VPS13D: variants seen among roughly 807,000 people sequenced by gnomAD.
VPS13D encodes the protein vacuolar protein sorting 13 homolog D, also known as intermembrane lipid transfer protein VPS13D.
VPS13D carries 187 observed loss-of-function variants against 461.9 expected under a neutral mutation model. The observed-to-expected ratio is 0.40, with a 90% confidence interval of 0.36 to 0.46. VPS13D has a LOEUF of 0.46. Among genes scored for constraint, VPS13D ranks in the 20% least tolerant of loss-of-function variants. VPS13D has a pLI of 0.60. For missense variants in VPS13D, 4,711 were observed against 5,364.9 expected, an observed-to-expected ratio of 0.88 and a Z score of 3.81; for synonymous variants, 1,951 against 1,986.3, an observed-to-expected ratio of 0.98 and a Z score of 0.47.
rs371164011 is a variant in VPS13D, at chr1:12,282,103, G to A, written c.4603-602G>A. 2.5e-4 allele frequency among the ~76,000 whole-genome samples: 38 copies of A among 152,186 alleles called. 2 individuals are homozygous for A. The highest frequency in any genetic ancestry group is 2.0e-3 in the Admixed American group (30 of 15,276). On this transcript the variant is annotated intron_variant, in intron 20 of 69. Coordinates refer to ENST00000620676, the MANE Select transcript of VPS13D (RefSeq NM_015378.4). ...GAGTTTCACCATGTAGCCCAAGCTGGTCTTGAACTCCTGGGCTCACACAGT... is the reference window on the plus strand; with the variant it reads ...GAGTTTCACCATGTAGCCCAAGCTGATCTTGAACTCCTGGGCTCACACAGT...
At chr1:12,259,284 G>A (rs1641025202) in intron 10 of VPS13D, among the ~76,000 whole-genome samples, 2 of 150,300 alleles carry the variant, frequency 1.3e-5, no homozygotes, top group Non-Finnish European at 3.0e-5. Flanking sequence ...TGATTCACCT[G>A]CCTCAGCCTT....
At chr1:12,474,242 T>A (rs1359902383) in intron 67 of VPS13D, among the ~76,000 whole-genome samples, 3 of 152,208 alleles carry the variant, frequency 2.0e-5, no homozygotes, top group African/African-American at 7.2e-5. Context: ...CAGGCCACCG[T>A]GGCTCATCCA....
Position 12,318,279 on chromosome 1 carries a change from G to A in VPS13D, c.7356G>A (p.Lys2452=), listed in dbSNP as rs147894029. 15 of 1,613,852 alleles carry A rather than the reference G, an allele frequency of 9.3e-6. No individual in the cohort carries two copies. In the African/African-American group the frequency reaches 2.0e-4, roughly 22 times the overall value. The change falls in exon 31 of 70, where the codon AAG becomes AAA. Residue 2452 remains lysine (K), a synonymous_variant. Coordinates refer to ENST00000620676, the MANE Select transcript of VPS13D (RefSeq NM_015378.4). ...PKTVKSGVVT[K]RSSLPVSNER... is the part of the protein sequence containing the mutation. ...CTGTGAAGAGTGGAGTAGTTACCAA[G>A]CGGTCTTCCCTTCCTGTGTCCAATG...
chr1:12,423,819 A>C (rs1025434837), intron 65 of VPS13D, among the ~76,000 whole-genome samples: 1 of 152,212 alleles, frequency 6.6e-6, no homozygotes, highest in African/African-American at 2.4e-5. Flanking sequence ...TTGTTTAAGA[A>C]ACAGCATTTT....
chr1:12,245,218 C>CA (rs1267641687), intron 5 of VPS13D, among the ~76,000 whole-genome samples: 1 of 152,130 alleles, frequency 6.6e-6, no homozygotes, highest in Non-Finnish European at 1.5e-5. Flanking sequence ...ATCAGGGTCC[C>CA]ACTAATTTTC....
intron 30 of VPS13D, among the ~76,000 whole-genome samples, chr1:12,315,690 C>A (rs935657197): frequency 2.6e-5 from 4 of 152,160 alleles, no homozygotes; most frequent in Non-Finnish European, 5.9e-5. Context: ...GTCTTTGGAC[C>A]TATCAGGTGT....
chr1:12,393,653 A>G (rs1248901746), intron 60 of VPS13D, among the ~76,000 whole-genome samples: 1 of 152,204 alleles, frequency 6.6e-6, no homozygotes, highest in Non-Finnish European at 1.5e-5. Flanking sequence ...AAGTGGCACT[A>G]ATCTCCACAA....
chr1:12,445,389 G>A (rs575263073), intron 65 of VPS13D, among the ~76,000 whole-genome samples: 26 of 152,368 alleles, frequency 1.7e-4, no homozygotes, highest in African/African-American at 6.3e-4. Flanking sequence ...CAGATGTTGA[G>A]TTAAGTGGAT....
chr1:12,263,249 G>T lies in VPS13D; in HGVS notation c.1594+1169G>T, dbSNP rs185618523. On this transcript the variant is annotated intron_variant, in intron 13 of 69. Transcript: ENST00000620676. ...TAAACAGTGAAACCACAAACAAAAA[G>T]CACAGAAGCATGAAAAACATGGCGC... Among the ~76,000 whole-genome samples, 8 of 152,272 alleles carry T rather than the reference G, an allele frequency of 5.3e-5. No individual in the cohort carries two copies. In the East Asian group the frequency reaches 1.5e-3, roughly 29 times the overall value.
intron 60 of VPS13D, among the ~76,000 whole-genome samples, chr1:12,388,391 G>A (rs146534592): frequency 0.019 from 2,918 of 151,992 alleles, 113 homozygotes; most frequent in Admixed American, 0.1. Flanking sequence ...CCTGGCCAAC[G>A]TGGTGAAACC....
intron 54 of VPS13D, 52 bp downstream of exon 54, chr1:12,369,754 A>C: frequency 6.5e-7 from 1 of 1,544,352 alleles, no homozygotes; most frequent in South Asian, 1.2e-5. Context: ...TCTAATTATT[A>C]ACAGGTTTTA....
At chr1:12,375,957 G>C (rs1482797422) in intron 55 of VPS13D, among the ~76,000 whole-genome samples, 2 of 152,216 alleles carry the variant, frequency 1.3e-5, no homozygotes, top group Non-Finnish European at 2.9e-5. Context: ...GAACTGGAAG[G>C]AGAATGGTGC....
chr1:12,395,525 A>G (rs1317278486), intron 60 of VPS13D, among the ~76,000 whole-genome samples: 3 of 152,196 alleles, frequency 2.0e-5, no homozygotes, highest in Non-Finnish European at 4.4e-5. Flanking sequence ...TGCAGGAGAT[A>G]AGACTCTCAC....
At chr1:12,490,373 C>T (rs1049798235) in intron 67 of VPS13D, among the ~76,000 whole-genome samples, 1 of 152,216 alleles carries the variant, frequency 6.6e-6, no homozygotes, top group Admixed American at 6.5e-5. Flanking sequence ...GTGTATTTCT[C>T]TTTCTCTTGA....
At chr1:12,464,571 A>C (rs1645455285) in intron 67 of VPS13D, among the ~76,000 whole-genome samples, 1 of 151,386 alleles carries the variant, frequency 6.6e-6, no homozygotes, top group South Asian at 2.1e-4. Flanking sequence ...TTTATAGGGA[A>C]CCCCCCCTCC....
chr1:12,456,738 C>T (rs1456673594), intron 66 of VPS13D, among the ~76,000 whole-genome samples: 1 of 151,874 alleles, frequency 6.6e-6, no homozygotes, highest in African/African-American at 2.4e-5. Flanking sequence ...ATCCTCCTTG[C>T]AGTTGAAATA....
intron 52 of VPS13D, among the ~76,000 whole-genome samples, chr1:12,367,213 A>G (rs1353759062): frequency 6.6e-6 from 1 of 152,090 alleles, no homozygotes; most frequent in African/African-American, 2.4e-5. Context: ...AGAATGTCCT[A>G]TTTTCTGCAT....
At chr1:12,479,412 CTT>C (rs781271629) in intron 67 of VPS13D, among the ~76,000 whole-genome samples, 6 of 152,212 alleles carry the variant, frequency 3.9e-5, no homozygotes, top group Non-Finnish European at 8.8e-5. Context: ...GACAATGCCT[CTT>C]AGGCAGACAC....
intron 46 of VPS13D, among the ~76,000 whole-genome samples, chr1:12,350,109 A>C (rs1643762686): frequency 6.6e-6 from 1 of 152,208 alleles, no homozygotes; most frequent in East Asian, 1.9e-4. Flanking sequence ...GGAGTTGGTG[A>C]TTTTAACACT....
Sources: allele counts gnomAD v4.1 joint callset (sites outside exome capture counted in the v4.1 genomes callset), GRCh38; gene constraint gnomAD v4.1.1; transcripts MANE v1.5; gene names NCBI Gene and HGNC (gene_info 2026-07-23, HGNC 2026-07-21).